Variants in COL22A1 observed in about 807,000 individuals in gnomAD.
COL22A1 encodes the protein collagen type XXII alpha 1 chain, also known as collagen alpha-1(XXII) chain.
A neutral mutation model predicts 248.9 loss-of-function variants in COL22A1; 221 were observed. The observed-to-expected ratio is 0.89, with a 90% CI of 0.80 to 0.99. The LOEUF is 0.99. COL22A1 is among the 50% of genes least tolerant of loss of function. The pLI, the probability that COL22A1 is intolerant of heterozygous loss-of-function variation, is 0.00. For missense variants in COL22A1, 2,240 were observed against 2,179.0 expected, an observed-to-expected ratio of 1.03 and a Z score of -0.56; for synonymous variants, 891 against 793.4, an observed-to-expected ratio of 1.12 and a Z score of -2.07.
chr8:138,904,763 A>C (rs1036122020), intron 1 of COL22A1, among the ~76,000 whole-genome samples: 4 of 152,180 alleles, frequency 2.6e-5, no homozygotes, highest in Non-Finnish European at 2.9e-5. Flanking sequence ...CAATATGTAT[A>C]AATAGTGCTC....
chr8:138,688,783 T>G, intron 37 of COL22A1, 134 bp downstream of exon 37: 1 of 713,644 alleles, frequency 1.4e-6, no homozygotes. Context: ...ACAGTCTTCC[T>G]CTCCCTCCTA....
At chr8:138,784,024 T>C (rs1041205451) in intron 12 of COL22A1, among the ~76,000 whole-genome samples, 2 of 152,278 alleles carry the variant, frequency 1.3e-5, no homozygotes, top group South Asian at 2.1e-4. Context: ...CAAGACAAAA[T>C]GAACAAGGGC....
chr8:138,753,675 G>A (rs963623916), intron 21 of COL22A1, among the ~76,000 whole-genome samples: 16 of 152,162 alleles, frequency 1.1e-4, no homozygotes, highest in Non-Finnish European at 2.9e-5. Flanking sequence ...TGCCTCATGT[G>A]TTATTTCATC....
chr8:138,859,089 C>A lies in COL22A1; in HGVS notation c.659-14931G>T, dbSNP rs1327402716. Among the ~76,000 whole-genome samples, 5 of 152,226 alleles carry A rather than the reference C, an allele frequency of 3.3e-5. No individual in the cohort carries two copies. The East Asian group carries it at 7.7e-4, about 23-fold the overall frequency. On this transcript the variant is annotated intron_variant, in intron 3 of 64. Transcript: ENST00000303045. ...CCAGAATGCCTCCTCATCCACATAT[C>A]CTGCCTCTTTTAGTCTGTGGTTCTC...
At chr8:138,624,761 G>A (rs2131964637) in intron 51 of COL22A1, among the ~76,000 whole-genome samples, 1 of 152,236 alleles carries the variant, frequency 6.6e-6, no homozygotes, top group Non-Finnish European at 1.5e-5. Context: ...TAACCTCCAG[G>A]CTGCAGAGTT....
At chr8:138,735,558 G>A (rs1212120953) in intron 23 of COL22A1, among the ~76,000 whole-genome samples, 1 of 152,108 alleles carries the variant, frequency 6.6e-6, no homozygotes, top group Non-Finnish European at 1.5e-5. Context: ...TAATTTGATC[G>A]AGCTGCATTG....
chr8:138,692,020 GTA>G (rs1827021530), intron 35 of COL22A1, among the ~76,000 whole-genome samples: 1 of 149,866 alleles, frequency 6.7e-6, no homozygotes, highest in Non-Finnish European at 1.5e-5. Context: ...TTCTGGAGGT[GTA>G]TGCATGCGCG....
chr8:138,803,952 C>T (rs1817231258), intron 10 of COL22A1, among the ~76,000 whole-genome samples: 1 of 152,200 alleles, frequency 6.6e-6, no homozygotes. Flanking sequence ...GTCTATTCTA[C>T]TGGACCCAGC....
At chr8:138,746,310 A>G (rs1046072853) in intron 22 of COL22A1, among the ~76,000 whole-genome samples, 2 of 152,138 alleles carry the variant, frequency 1.3e-5, no homozygotes, top group African/African-American at 4.8e-5. Context: ...AGTGATGTTC[A>G]GGAGCTCTTC....
chr8:138,806,194 G>GTA (rs1293207454), intron 10 of COL22A1, among the ~76,000 whole-genome samples: 1 of 93,236 alleles, frequency 1.1e-5, no homozygotes, highest in Non-Finnish European at 2.3e-5. Context: ...GTGTGATGGT[G>GTA]TGTGTGTGAT....
chr8:138,850,199 G>A (rs771820655), intron 3 of COL22A1, among the ~76,000 whole-genome samples: 2 of 152,188 alleles, frequency 1.3e-5, no homozygotes, highest in Admixed American at 6.5e-5. Flanking sequence ...TCTCCTCTAG[G>A]CCAGAGTGTA....
chr8:138,730,652 G>A (rs1044551844), intron 23 of COL22A1, among the ~76,000 whole-genome samples: 27 of 152,126 alleles, frequency 1.8e-4, no homozygotes, highest in African/African-American at 5.3e-4. Flanking sequence ...CATGGCTTCC[G>A]GCATGTAGCA....
chr8:138,808,928 C>T (rs2131679668), intron 9 of COL22A1, among the ~76,000 whole-genome samples: 1 of 152,364 alleles, frequency 6.6e-6, no homozygotes, highest in South Asian at 2.1e-4. Context: ...CACCAGGCAT[C>T]ATGTTGACCT....
intron 21 of COL22A1, among the ~76,000 whole-genome samples, chr8:138,753,415 C>A (rs945940795): frequency 1.3e-5 from 2 of 152,178 alleles, no homozygotes; most frequent in Non-Finnish European, 2.9e-5. Context: ...TCACTAACAT[C>A]ATGTATTGTA....
intron 25 of COL22A1, among the ~76,000 whole-genome samples, chr8:138,723,298 GC>G (rs1259796713): frequency 1.3e-5 from 2 of 152,104 alleles, no homozygotes; most frequent in Non-Finnish European, 2.9e-5. Context: ...TGAAAAGACA[GC>G]CCCGCCTGCA....
At chr8:138,847,298 C>T (rs1348029407) in intron 3 of COL22A1, among the ~76,000 whole-genome samples, 1 of 152,212 alleles carries the variant, frequency 6.6e-6, no homozygotes, top group Non-Finnish European at 1.5e-5. Flanking sequence ...TGGGGAGCCT[C>T]CCAGGCATGG....
chr8:138,712,862 T>C, intron 30 of COL22A1, among the ~76,000 whole-genome samples: 1 of 151,260 alleles, frequency 6.6e-6, no homozygotes, highest in Admixed American at 6.6e-5. Context: ...CAGCAGAGGG[T>C]AAGTATTCTA....
intron 47 of COL22A1, among the ~76,000 whole-genome samples, chr8:138,639,651 T>G (rs146267173): frequency 3.1e-3 from 474 of 152,280 alleles, no homozygotes; most frequent in African/African-American, 0.01. Flanking sequence ...AGTTTTTTTT[T>G]AGGGGGGGTC....
rs1823854140 is a variant in COL22A1, at chr8:138,877,834, G to A, written c.574C>T (p.Pro192Ser). Reference sequence around the variant, plus strand: ...ACGTGGAAGACGTGGGCGGACTTGGGCTCTGAGGCGATCTCCTCCAGCTCC... The same window carrying A: ...ACGTGGAAGACGTGGGCGGACTTGGACTCTGAGGCGATCTCCTCCAGCTCC... ...KEELEEIASE[P>S]KSAHVFHVSD... The change falls in exon 3 of 65, where the codon CCC becomes TCC. Residue 192 changes from proline (P) to serine (S), a missense_variant. Pro to Ser is a moderately conservative substitution (Grantham distance 74). Coordinates refer to ENST00000303045, the MANE Select transcript of COL22A1 (RefSeq NM_152888.3). 6.2e-7 allele frequency: 1 copy of A among 1,613,256 alleles called. No homozygotes were observed. Among genetic ancestry groups the A allele is most frequent in the African/African-American group, 1.3e-5 (1 of 74,920 alleles).
Sources: allele counts gnomAD v4.1 joint callset (sites outside exome capture counted in the v4.1 genomes callset), GRCh38; gene constraint gnomAD v4.1.1; transcripts MANE v1.5; gene names NCBI Gene and HGNC (gene_info 2026-07-23, HGNC 2026-07-21).